The following CLIC5 variants were observed in gnomAD, a reference collection of about 807,000 sequenced individuals.
The protein encoded by CLIC5 is CLIC family member 5, also known as chloride intracellular channel protein 5.
A neutral mutation model predicts 24.7 loss-of-function variants in CLIC5; 20 were observed. The observed-to-expected ratio is 0.81, with a 90% CI of 0.57 to 1.18. CLIC5 has a LOEUF of 1.18. Among genes scored for constraint, CLIC5 ranks in the 50% most tolerant of loss-of-function variants. The pLI is 0.00. For synonymous variants in CLIC5, 159 were observed against 135.6 expected, an observed-to-expected ratio of 1.17 and a Z score of -1.20; for missense variants, 341 against 326.1, an observed-to-expected ratio of 1.05 and a Z score of -0.35.
At chr6:45,976,392 T>C (rs981655935) in intron 1 of CLIC5, among the ~76,000 whole-genome samples, 2 of 152,170 alleles carry the variant, frequency 1.3e-5, no homozygotes, top group African/African-American at 4.8e-5. Context: ...CCAGCTTGCC[T>C]AGGACTGGGG....
At chr6:45,943,422 G>T (rs977974093) in intron 3 of CLIC5, among the ~76,000 whole-genome samples, 4 of 152,216 alleles carry the variant, frequency 2.6e-5, no homozygotes, top group Non-Finnish European at 5.9e-5. Flanking sequence ...ATCTGCTGTG[G>T]CTGGGGGCAC....
intron 4 of CLIC5, among the ~76,000 whole-genome samples, chr6:45,923,691 C>T (rs1763362985): frequency 6.6e-6 from 1 of 152,240 alleles, no homozygotes. Context: ...AGGAAATACA[C>T]ATGGTAGTCA....
chr6:45,966,903 G>A (rs1765033323), intron 1 of CLIC5, among the ~76,000 whole-genome samples: 1 of 152,224 alleles, frequency 6.6e-6, no homozygotes, highest in Admixed American at 6.5e-5. Flanking sequence ...TTTTATGGTT[G>A]CATCTCCACA....
Position 45,902,247 on chromosome 6 carries a change from C to G in CLIC5, c.*841G>C, listed in dbSNP as rs1762529114. 1 of 152,888 alleles carries G rather than the reference C, an allele frequency of 6.5e-6. No individual in the cohort carries two copies. Among genetic ancestry groups the G allele is most frequent in the South Asian group, 2.1e-4 (1 of 4,828 alleles). 9.5% of individuals were successfully genotyped at this position (152,888 alleles called of 1,614,324 possible). On this transcript the variant is annotated 3_prime_UTR_variant, in exon 6 of 6. Transcript: ENST00000339561. ...CACTCATTGGTAAGCACAGTCAAAC[C>G]CAGGCCTGTAATCACCTCTGAAACA...
chr6:46,072,181 C>T (rs968396293), intron 1 of CLIC5, among the ~76,000 whole-genome samples: 6 of 150,630 alleles, frequency 4.0e-5, no homozygotes, highest in Non-Finnish European at 5.9e-5. Flanking sequence ...AACAAACCCC[C>T]ATAACACAAA....
intron 5 of CLIC5, chr6:45,911,571 GATCCAAAAGT>G: frequency 1.0e-6 from 1 of 979,302 alleles, no homozygotes. Context: ...AAGATAAAGG[GATCCAAAAGT>G]ATTTTTCACA....
chr6:45,973,030 T>C (rs1281531373), intron 1 of CLIC5, among the ~76,000 whole-genome samples: 1 of 152,178 alleles, frequency 6.6e-6, no homozygotes, highest in East Asian at 1.9e-4. Context: ...GGCAGCCAGG[T>C]GCTGAAAGTG....
chr6:45,944,557 A>G (rs1293598866), intron 3 of CLIC5, among the ~76,000 whole-genome samples: 1 of 151,130 alleles, frequency 6.6e-6, no homozygotes, highest in Non-Finnish European at 1.5e-5. Flanking sequence ...ACCAAAAAAA[A>G]AAAAAAAAAA....
downstream of CLIC5, among the ~76,000 whole-genome samples, chr6:45,896,592 C>T (rs916290856): frequency 1.4e-4 from 21 of 152,152 alleles, no homozygotes; most frequent in African/African-American, 5.1e-4. Context: ...AGCTACTAGA[C>T]ATAAAAACAA....
intron 6 of CLIC5, among the ~76,000 whole-genome samples, chr6:45,882,700 G>T (rs1157630976): frequency 6.6e-6 from 1 of 152,206 alleles, no homozygotes. Context: ...ATACTGTGGT[G>T]AGGTGATGGA....
intron 4 of CLIC5, among the ~76,000 whole-genome samples, chr6:45,932,020 C>G: frequency 6.6e-6 from 1 of 152,200 alleles, no homozygotes; most frequent in East Asian, 1.9e-4. Flanking sequence ...GTTCCTGCCT[C>G]CAAAGATCCA....
downstream of CLIC5, among the ~76,000 whole-genome samples, chr6:45,894,360 A>T (rs1361320350): frequency 6.6e-6 from 1 of 152,238 alleles, no homozygotes; most frequent in Non-Finnish European, 1.5e-5. Flanking sequence ...CTAAGGGAAA[A>T]ATAGACATAA....
At chr6:46,009,622 AT>A (rs1161146384) in intron 1 of CLIC5, among the ~76,000 whole-genome samples, 1 of 152,086 alleles carries the variant, frequency 6.6e-6, no homozygotes, top group Non-Finnish European at 1.5e-5. Context: ...AGCCTACGAC[AT>A]TTTCCCCATA....
chr6:45,951,279 C>T (rs1288950869), intron 2 of CLIC5, among the ~76,000 whole-genome samples: 1 of 152,154 alleles, frequency 6.6e-6, no homozygotes, highest in Non-Finnish European at 1.5e-5. Context: ...CTAAATTATC[C>T]TGAAAGAAAG....
At chr6:45,985,203 G>A (rs1051184385) in intron 1 of CLIC5, among the ~76,000 whole-genome samples, 9 of 152,200 alleles carry the variant, frequency 5.9e-5, no homozygotes, top group African/African-American at 2.2e-4. Flanking sequence ...GGAGCCCTGA[G>A]CTGTTGTTCA....
At chr6:46,066,546 C>CA (rs1762449384) in intron 1 of CLIC5, among the ~76,000 whole-genome samples, 1 of 152,098 alleles carries the variant, frequency 6.6e-6, no homozygotes, top group South Asian at 2.1e-4. Flanking sequence ...CCCCGCCCCC[C>CA]ATAACCAATT....
intron 1 of CLIC5, among the ~76,000 whole-genome samples, chr6:45,998,510 A>G (rs540547150): frequency 6.6e-6 from 1 of 152,204 alleles, no homozygotes; most frequent in East Asian, 1.9e-4. Flanking sequence ...AACCACAAAA[A>G]CCTTTCTATG....
At chr6:46,061,431 G>A (rs1762279037) in intron 1 of CLIC5, among the ~76,000 whole-genome samples, 1 of 152,198 alleles carries the variant, frequency 6.6e-6, no homozygotes, top group Admixed American at 6.5e-5. Flanking sequence ...GACCTTGTGA[G>A]CTGCCCGCCT....
chr6:45,985,048 C>T (rs1180184435), intron 1 of CLIC5, among the ~76,000 whole-genome samples: 6 of 152,146 alleles, frequency 3.9e-5, no homozygotes, highest in African/African-American at 1.4e-4. Context: ...TGGGAACACC[C>T]AAGAGAGACA....
Sources: gnomAD v4.1 joint callset for allele counts (sites outside exome capture counted in the v4.1 genomes callset) on GRCh38, gnomAD v4.1.1 for gene constraint, MANE v1.5 for transcripts, NCBI Gene and HGNC (gene_info 2026-07-23, HGNC 2026-07-21) for gene names.